AGBL4: variants seen among roughly 807,000 people sequenced by gnomAD.
AGBL4 encodes the protein cytosolic carboxypeptidase 6.
A neutral mutation model predicts 66.4 loss-of-function variants in AGBL4; 58 were observed. That is an observed-to-expected ratio of 0.87 (90% confidence interval 0.71 to 1.09). The LOEUF (loss-of-function observed/expected upper bound fraction) is 1.09, where lower values mean the gene tolerates loss of function less well. Among genes scored for constraint, AGBL4 ranks in the 50% least tolerant of loss-of-function variants. The probability of loss-of-function intolerance (pLI) is 0.00; values close to 1 mark genes in which losing one functional copy is unlikely to be tolerated. For synonymous variants in AGBL4, 234 were observed against 222.9 expected (o/e 1.05, Z -0.44); for missense variants, 579 against 631.0 (o/e 0.92, Z 0.88).
chr1:49,134,347 A>T (rs1645962412), intron 4 of AGBL4, among the ~76,000 whole-genome samples: 1 of 152,044 alleles, frequency 6.6e-6, no homozygotes, highest in East Asian at 1.9e-4. Context: ...AACCGGTCTG[A>T]CTAGAATTTG....
chr1:48,969,058 C>A (rs1052676245), intron 5 of AGBL4, among the ~76,000 whole-genome samples: 1 of 152,164 alleles, frequency 6.6e-6, no homozygotes, highest in African/African-American at 2.4e-5. Flanking sequence ...ACACCAGCCA[C>A]AACTGTGGTC....
intron 3 of AGBL4, among the ~76,000 whole-genome samples, chr1:49,512,558 T>C (rs1409233496): frequency 1.3e-5 from 2 of 151,872 alleles, no homozygotes; most frequent in Admixed American, 1.3e-4. Context: ...CCCCCCTCTT[T>C]CCTACTTCAC....
chr1:48,590,733 T>C, intron 10 of AGBL4, 100 bp downstream of exon 10: 1 of 1,299,326 alleles, frequency 7.7e-7, no homozygotes, highest in Non-Finnish European at 1.0e-6. Context: ...CAGAGTTAGG[T>C]GTCCCGTGGA....
At chr1:48,714,970 G>A (rs1221767908) in intron 6 of AGBL4, among the ~76,000 whole-genome samples, 1 of 152,232 alleles carries the variant, frequency 6.6e-6, no homozygotes, top group Non-Finnish European at 1.5e-5. Flanking sequence ...GATGGAATGA[G>A]ACAGTATTCA....
intron 3 of AGBL4, among the ~76,000 whole-genome samples, chr1:49,326,594 AC>A (rs1035210096): frequency 1.2e-4 from 19 of 152,210 alleles, no homozygotes; most frequent in African/African-American, 4.6e-4. Flanking sequence ...GGAACCCATA[AC>A]TGACACAAAG....
chr1:48,715,248 C>T (rs1201383377), intron 6 of AGBL4, among the ~76,000 whole-genome samples: 2 of 152,164 alleles, frequency 1.3e-5, no homozygotes, highest in African/African-American at 2.4e-5. Flanking sequence ...CCAGCTCTCA[C>T]CTGAGAATCA....
chr1:49,754,150 A>C (rs1312948969), intron 2 of AGBL4, among the ~76,000 whole-genome samples: 4 of 152,018 alleles, frequency 2.6e-5, no homozygotes, highest in Non-Finnish European at 5.9e-5. Context: ...GAGAAGAGGC[A>C]TTCTGTTTTT....
At chr1:49,360,441 G>C (rs1290440237) in intron 3 of AGBL4, among the ~76,000 whole-genome samples, 1 of 152,182 alleles carries the variant, frequency 6.6e-6, no homozygotes, top group Non-Finnish European at 1.5e-5. Flanking sequence ...ATTTTCTATA[G>C]TCATTATAAT....
At chr1:49,530,987 C>T (rs1474740217) in intron 3 of AGBL4, among the ~76,000 whole-genome samples, 1 of 152,020 alleles carries the variant, frequency 6.6e-6, no homozygotes, top group East Asian at 1.9e-4. Context: ...ATGTAAATAC[C>T]TAGGTCAATA....
intron 2 of AGBL4, among the ~76,000 whole-genome samples, chr1:49,800,995 G>A (rs934766531): frequency 1.3e-5 from 2 of 150,512 alleles, no homozygotes; most frequent in Admixed American, 1.3e-4. Context: ...GTGTAAAAGT[G>A]TTCCTATTTC....
At chr1:49,592,434 G>A (rs1216668612) in intron 3 of AGBL4, among the ~76,000 whole-genome samples, 2 of 152,174 alleles carry the variant, frequency 1.3e-5, no homozygotes, top group East Asian at 1.9e-4. Context: ...GCTGGGTGTG[G>A]TGGCAGGCAC....
intron 4 of AGBL4, among the ~76,000 whole-genome samples, chr1:49,212,019 C>T (rs752830735): frequency 9.9e-5 from 15 of 152,034 alleles, no homozygotes; most frequent in Non-Finnish European, 1.9e-4. Context: ...TACTCTGATC[C>T]TGATTTTACA....
At chr1:49,522,265 C>A (rs1650323586) in intron 3 of AGBL4, among the ~76,000 whole-genome samples, 1 of 151,896 alleles carries the variant, frequency 6.6e-6, no homozygotes, top group Non-Finnish European at 1.5e-5. Flanking sequence ...GCTCTCTGAG[C>A]CTTAGTTTTC....
chr1:50,020,357 T>A (rs1357329153), intron 1 of AGBL4, among the ~76,000 whole-genome samples: 1 of 152,118 alleles, frequency 6.6e-6, no homozygotes, highest in Non-Finnish European at 1.5e-5. Context: ...ATTGGACACT[T>A]CAAGTATATG....
At chr1:49,813,404 A>G (rs1645152573) in intron 2 of AGBL4, among the ~76,000 whole-genome samples, 1 of 152,138 alleles carries the variant, frequency 6.6e-6, no homozygotes, top group African/African-American at 2.4e-5. Context: ...GCCTCTGCAA[A>G]GACGTATTAA....
chr1:49,076,368 C>G (rs1644710112), intron 4 of AGBL4, among the ~76,000 whole-genome samples: 2 of 152,116 alleles, frequency 1.3e-5, no homozygotes, highest in African/African-American at 4.8e-5. Context: ...AGTTTTTATA[C>G]TATATTTAGA....
At chr1:48,884,367 G>A (rs1320121892) in intron 5 of AGBL4, among the ~76,000 whole-genome samples, 1 of 148,086 alleles carries the variant, frequency 6.8e-6, no homozygotes, top group Non-Finnish European at 1.5e-5. Context: ...TCAAACCCAA[G>A]TCTCACTGGT....
chr1:48,589,495 A>C (rs1431433289), intron 10 of AGBL4, among the ~76,000 whole-genome samples: 6 of 152,064 alleles, frequency 3.9e-5, no homozygotes, highest in Non-Finnish European at 8.8e-5. Context: ...ATTTAGTATC[A>C]AAACAAAGGA....
Position 49,245,787 on chromosome 1 carries a change from A to T in AGBL4, c.360T>A (p.Ser120=). The T allele has an allele frequency of 6.5e-7, 1 of 1,549,622 alleles. No homozygotes were observed. The highest frequency in any genetic ancestry group is 1.7e-4 in the Middle Eastern group (1 of 5,978). Residue 120 remains serine, a synonymous_variant, in exon 4 of 14, where the codon TCT becomes TCA. Transcript: ENST00000371839. ...YRDGMAPMVK[S]TSRPKWQRLP... is the part of the protein sequence containing the mutation. ...TCACTTACCATTTTGGTCTGCTGGT[A>T]GATTTCACCATAGGGGCCATCCCAT... is the stretch of plus-strand genomic sequence containing the variant.
Sources: allele counts gnomAD v4.1 joint callset (sites outside exome capture counted in the v4.1 genomes callset), GRCh38; gene constraint gnomAD v4.1.1; transcripts MANE v1.5; gene names NCBI Gene and HGNC (gene_info 2026-07-23, HGNC 2026-07-21).